The following GRIK4 variants were observed in gnomAD, a reference collection of about 807,000 sequenced individuals.
GRIK4 encodes glutamate receptor ionotropic, kainate 4.
In GRIK4, 40 loss-of-function variants were observed where a neutral mutation model predicts 104.9. That is an observed-to-expected ratio of 0.38 (90% confidence interval 0.30 to 0.50). The LOEUF is 0.50. Ranked by LOEUF, GRIK4 falls within the 20% of genes least tolerant of loss-of-function variation. GRIK4 has a pLI of 0.93. For missense variants in GRIK4, 1,047 were observed against 1,308.1 expected (o/e 0.80, Z 3.08); for synonymous variants, 485 against 524.9 (o/e 0.92, Z 1.04).
rs562464473 is a variant in GRIK4, at chr11:120,953,411, A to G, written c.1700+447A>G. ...GAATGACAAGGAACAGAGCCTGCAA[A>G]TCTGGACTGGGGGCACTGGGGGCTG... On this transcript the variant is annotated intron_variant, in intron 15 of 20. Coordinates refer to ENST00000527524, the MANE Select transcript of GRIK4 (RefSeq NM_014619.5). The surrounding 1 kb of genome is among the most constrained non-coding windows in gnomAD (Gnocchi z 4.9). Among the ~76,000 whole-genome samples the G allele has an allele frequency of 6.6e-6, 1 of 152,106 alleles. No homozygotes were observed. The highest frequency in any genetic ancestry group is 2.4e-5 in the African/African-American group (1 of 41,396).
At chr11:120,699,192 C>T (rs1207076576) in intron 3 of GRIK4, among the ~76,000 whole-genome samples, 1 of 152,148 alleles carries the variant, frequency 6.6e-6, no homozygotes, top group Non-Finnish European at 1.5e-5. Flanking sequence ...AGCACACTGC[C>T]CACCTACCTG....
rs1591325655 is a variant in GRIK4, at chr11:120,953,723, A to C, written c.1700+759A>C. ...GTGGCCTCCCAAGACTGTGCACAGC[A>C]AAGGTAGTTTCGCTCCAGGCCAAGG... is the stretch of plus-strand genomic sequence containing the variant. On this transcript the variant is annotated intron_variant, in intron 15 of 20. Coordinates refer to ENST00000527524, the MANE Select transcript of GRIK4 (RefSeq NM_014619.5). This position sits in a 1 kb window ranked among gnomAD's most constrained non-coding sequence, Gnocchi z 4.9. Among the ~76,000 whole-genome samples the C allele has an allele frequency of 2.0e-5, 3 of 152,192 alleles. No homozygotes were observed. The East Asian group carries it at 5.8e-4, about 29-fold the overall frequency.
At chr11:120,740,592 T>C (rs183261753) in intron 3 of GRIK4, among the ~76,000 whole-genome samples, 228 of 152,302 alleles carry the variant, frequency 1.5e-3, no homozygotes, top group African/African-American at 5.1e-3. Context: ...CAGCATTGCC[T>C]GGTAACTTGG....
intron 3 of GRIK4, among the ~76,000 whole-genome samples, chr11:120,692,467 A>G (rs1199530851): frequency 6.6e-6 from 1 of 152,126 alleles, no homozygotes; most frequent in African/African-American, 2.4e-5. Context: ...AATTCATGTG[A>G]CCATGGCGGG....
chr11:120,564,904 A>G (rs1948295830), intron 1 of GRIK4, among the ~76,000 whole-genome samples: 1 of 148,502 alleles, frequency 6.7e-6, no homozygotes, highest in Admixed American at 6.6e-5. Flanking sequence ...CTTTGTTTAC[A>G]GCTCCTCTCC....
At chr11:120,878,081 T>A (rs1250376432) in intron 11 of GRIK4, among the ~76,000 whole-genome samples, 1 of 152,166 alleles carries the variant, frequency 6.6e-6, no homozygotes, top group Non-Finnish European at 1.5e-5. Flanking sequence ...AGAAACAGCG[T>A]CATCAGCCCC....
chr11:120,692,839 C>A (rs1051754427), intron 3 of GRIK4, among the ~76,000 whole-genome samples: 1 of 152,162 alleles, frequency 6.6e-6, no homozygotes, highest in Non-Finnish European at 1.5e-5. Context: ...TCAAGCAATT[C>A]TCCTGCCTCG....
At chr11:120,841,969 T>A (rs911533879) in intron 8 of GRIK4, among the ~76,000 whole-genome samples, 4 of 152,138 alleles carry the variant, frequency 2.6e-5, no homozygotes, top group African/African-American at 9.7e-5. Context: ...TTACAATCAG[T>A]CAGAAGTGGT....
intron 1 of GRIK4, among the ~76,000 whole-genome samples, chr11:120,588,511 A>AG (rs1948696963): frequency 2.0e-5 from 3 of 152,016 alleles, no homozygotes. Context: ...GCAGGGACTT[A>AG]CTGCGATCCA....
At chr11:120,601,647 G>GTTTTTTTTTTTTTTTTTTTTTTTT (rs779169082) in intron 1 of GRIK4, among the ~76,000 whole-genome samples, 1 of 125,190 alleles carries the variant, frequency 8.0e-6, no homozygotes, top group Non-Finnish European at 1.6e-5. Flanking sequence ...TGTGTGTGTG[G>GTTTTTTTTTTTTTTTTTTTTTTTT]TTTTTTTTTT....
At chr11:120,711,908 A>G (rs979972472) in intron 3 of GRIK4, among the ~76,000 whole-genome samples, 1 of 152,218 alleles carries the variant, frequency 6.6e-6, no homozygotes, top group African/African-American at 2.4e-5. Flanking sequence ...ACTGAATCCT[A>G]CCCATTCCGT....
intron 19 of GRIK4, among the ~76,000 whole-genome samples, chr11:120,969,652 A>T (rs1944441200): frequency 6.6e-6 from 1 of 152,160 alleles, no homozygotes; most frequent in African/African-American, 2.4e-5. Context: ...GCATATGTTA[A>T]TGTTGCTCTA....
intron 1 of GRIK4, among the ~76,000 whole-genome samples, chr11:120,645,698 C>T (rs1020016585): frequency 3.3e-5 from 5 of 152,214 alleles, no homozygotes; most frequent in Non-Finnish European, 5.9e-5. Context: ...GGGCAGCCAG[C>T]TGTGGTCTGG....
intron 3 of GRIK4, among the ~76,000 whole-genome samples, chr11:120,669,576 C>T (rs1299003837): frequency 1.3e-5 from 2 of 152,252 alleles, no homozygotes; most frequent in African/African-American, 2.4e-5. Context: ...TTGCTAAATC[C>T]AGTGATCTGT....
At chr11:120,954,345 C>T (rs1236908907) in intron 15 of GRIK4, among the ~76,000 whole-genome samples, 2 of 151,934 alleles carry the variant, frequency 1.3e-5, no homozygotes, top group Non-Finnish European at 2.9e-5. Context: ...CAACCCCTCT[C>T]GGGCCTGTAG....
At chr11:120,917,139 C>G (rs1044258793) in intron 13 of GRIK4, among the ~76,000 whole-genome samples, 2 of 149,684 alleles carry the variant, frequency 1.3e-5, no homozygotes, top group Admixed American at 6.7e-5. Flanking sequence ...CCCAGCTACT[C>G]AGGAGGCTGA....
chr11:120,667,173 T>C (rs570925034), intron 3 of GRIK4, among the ~76,000 whole-genome samples: 3 of 152,336 alleles, frequency 2.0e-5, no homozygotes, highest in Admixed American at 2.0e-4. Context: ...CATCCTCTCA[T>C]AGGGAGACAT....
chr11:120,806,235 T>TCAC (rs536244890), intron 4 of GRIK4, among the ~76,000 whole-genome samples: 6 of 152,306 alleles, frequency 3.9e-5, no homozygotes, highest in African/African-American at 1.4e-4. Context: ...GTTTCAAGGT[T>TCAC]CAGCCCTACT....
At chr11:120,551,741 G>A (rs905909704) in intron 1 of GRIK4, among the ~76,000 whole-genome samples, 7 of 151,994 alleles carry the variant, frequency 4.6e-5, no homozygotes, top group Non-Finnish European at 8.8e-5. Flanking sequence ...AGATCACACC[G>A]TTGCACTCCA....
Sources: allele counts gnomAD v4.1 joint callset (sites outside exome capture counted in the v4.1 genomes callset), GRCh38; gene constraint gnomAD v4.1.1; non-coding constraint Gnocchi (gnomAD v3.1); transcripts MANE v1.5; gene names NCBI Gene and HGNC (gene_info 2026-07-23, HGNC 2026-07-21).